ADAM20: variants seen among roughly 807,000 people sequenced by gnomAD.
The protein encoded by ADAM20 is disintegrin and metalloproteinase domain-containing protein 20.
For synonymous variants in ADAM20, 305 were observed against 310.2 expected (o/e 0.98, Z 0.18); for missense variants, 871 against 883.2 (o/e 0.99, Z 0.18).
At chr14:70,568,157 G>A in the ADAM20 span, among the ~76,000 whole-genome samples, 26 of 152,212 alleles carry the variant, frequency 1.7e-4, no homozygotes, top group African/African-American at 6.3e-4. Context: ...TAAGACCTAT[G>A]CACCTGCACT....
chr14:70,545,991 A>T, the ADAM20 span, among the ~76,000 whole-genome samples: 1 of 152,224 alleles, frequency 6.6e-6, no homozygotes, highest in African/African-American at 2.4e-5. Context: ...AAACTGAAGT[A>T]ACATCAAATA....
intron 1 of ADAM20, among the ~76,000 whole-genome samples, chr14:70,527,683 T>C (rs1883619792): frequency 6.6e-6 from 1 of 152,158 alleles, no homozygotes; most frequent in South Asian, 2.1e-4. Flanking sequence ...GATTAAGTTC[T>C]TAATCTCGCT....
chr14:70,528,889 A>C (rs1339084823), intron 1 of ADAM20, among the ~76,000 whole-genome samples: 1 of 152,174 alleles, frequency 6.6e-6, no homozygotes, highest in East Asian at 1.9e-4. Context: ...TTTGTAGTAA[A>C]AATAATTTCA....
At chr14:70,539,370 C>T (rs538054409), upstream of ADAM20, among the ~76,000 whole-genome samples, 1 of 152,336 alleles carries the variant, frequency 6.6e-6, no homozygotes, top group South Asian at 2.1e-4. Flanking sequence ...AGATTCCTAT[C>T]CCAGAAAAGC....
the ADAM20 span, among the ~76,000 whole-genome samples, chr14:70,558,413 T>C: frequency 8.6e-3 from 1,312 of 152,294 alleles, 9 homozygotes; most frequent in South Asian, 0.031. Flanking sequence ...ATTAGATATC[T>C]GGATAATGAT....
chr14:70,541,484 A>G, the ADAM20 span, among the ~76,000 whole-genome samples: 1 of 152,340 alleles, frequency 6.6e-6, no homozygotes, highest in Admixed American at 6.5e-5. Flanking sequence ...GTTTTTTTAA[A>G]ACACTAACCT....
chr14:70,534,520 C>T (rs781247204), intron 1 of ADAM20, among the ~76,000 whole-genome samples: 1 of 152,076 alleles, frequency 6.6e-6, no homozygotes, highest in African/African-American at 2.4e-5. Context: ...ATATGCTACA[C>T]CATGGATGAG....
chr14:70,565,609 T>C, the ADAM20 span, among the ~76,000 whole-genome samples: 1 of 152,174 alleles, frequency 6.6e-6, no homozygotes, highest in East Asian at 1.9e-4. Context: ...AGATGATATA[T>C]ACAGTCAGCC....
chr14:70,524,249 G>C lies in ADAM20; in HGVS notation c.509C>G (p.Pro170Arg). Residue 170 changes from proline (P) to arginine (R), a missense_variant, in exon 2 of 2, where the codon CCT becomes CGT. Coordinates refer to ENST00000256389, the MANE Select transcript of ADAM20 (RefSeq NM_003814.5). ...CTCTTCTGTTAACCCACATCTCATA[G>C]GTGGAAACTGTGTATCATCACTGTC... is the stretch of plus-strand genomic sequence containing the variant. ...KIDSDDTQFP[P>R]MRCGLTEEKI... 1 of 1,613,870 alleles carries C rather than the reference G, an allele frequency of 6.2e-7. No homozygotes were observed. Among genetic ancestry groups the C allele is most frequent in the East Asian group, 2.2e-5 (1 of 44,878 alleles).
chr14:70,523,151 G>A lies in ADAM20; in HGVS notation c.1607C>T (p.Thr536Ile). 1 of 1,613,952 alleles carries A rather than the reference G, an allele frequency of 6.2e-7. No individual in the cohort carries two copies. The change falls in exon 2 of 2, where the codon ACC becomes ATC. Residue 536 changes from threonine to isoleucine, a missense_variant. Physicochemically the swap from Thr to Ile is moderately conservative, Grantham distance 89. Coordinates refer to ENST00000256389, the MANE Select transcript of ADAM20 (RefSeq NM_003814.5). ...ASQSCYQEIN[T>I]QGNRFGHCGI... ...ACAGTGACCGAAACGGTTTCCTTGGGTGTTGATTTCTTGGTAGCAACTCTG... is the reference window on the plus strand; with the variant it reads ...ACAGTGACCGAAACGGTTTCCTTGGATGTTGATTTCTTGGTAGCAACTCTG...
At chr14:70,534,095 A>C (rs1172230103) in intron 1 of ADAM20, among the ~76,000 whole-genome samples, 5 of 148,474 alleles carry the variant, frequency 3.4e-5, no homozygotes, top group Admixed American at 1.3e-4. Context: ...AAAAAAAAAA[A>C]AAAAAAAAAA....
upstream of ADAM20, among the ~76,000 whole-genome samples, chr14:70,535,847 T>C (rs962140325): frequency 6.6e-6 from 1 of 152,228 alleles, no homozygotes; most frequent in Admixed American, 6.5e-5. Context: ...ATATACTTTA[T>C]AGAATGAAAT....
the ADAM20 span, among the ~76,000 whole-genome samples, chr14:70,558,715 G>A: frequency 6.6e-6 from 1 of 152,084 alleles, no homozygotes; most frequent in Non-Finnish European, 1.5e-5. Context: ...ATAAAAGTGG[G>A]GAGGCAGAAT....
At chr14:70,532,078 T>C (rs1883723270) in intron 1 of ADAM20, among the ~76,000 whole-genome samples, 1 of 152,078 alleles carries the variant, frequency 6.6e-6, no homozygotes, top group African/African-American at 2.4e-5. Flanking sequence ...GGAAGCCTCA[T>C]ACTATCTGAC....
the ADAM20 span, among the ~76,000 whole-genome samples, chr14:70,578,777 T>C: frequency 1.3e-5 from 2 of 152,136 alleles, no homozygotes; most frequent in Admixed American, 6.5e-5. Context: ...TTTGGACTTC[T>C]AATGATGCTG....
the ADAM20 span, among the ~76,000 whole-genome samples, chr14:70,545,338 G>A: frequency 6.6e-6 from 1 of 152,200 alleles, no homozygotes; most frequent in African/African-American, 2.4e-5. Flanking sequence ...GCGCACTTGG[G>A]AGAGGGATGG....
At chr14:70,541,414 G>A in the ADAM20 span, among the ~76,000 whole-genome samples, 134 of 152,292 alleles carry the variant, frequency 8.8e-4, no homozygotes, top group South Asian at 0.015. Flanking sequence ...AGGGTTAAGC[G>A]AGTTTTGAAA....
the ADAM20 span, among the ~76,000 whole-genome samples, chr14:70,546,137 G>T: frequency 6.6e-6 from 1 of 152,056 alleles, no homozygotes; most frequent in African/African-American, 2.4e-5. Flanking sequence ...GAAGAAAATT[G>T]AAAAATTTCT....
At chr14:70,566,093 A>G in the ADAM20 span, among the ~76,000 whole-genome samples, 1 of 152,232 alleles carries the variant, frequency 6.6e-6, no homozygotes, top group Non-Finnish European at 1.5e-5. Flanking sequence ...TGAAACAAAA[A>G]GACACTAAAT....
Sources: gnomAD v4.1 joint callset for allele counts (sites outside exome capture counted in the v4.1 genomes callset) on GRCh38, gnomAD v4.1.1 for gene constraint, MANE v1.5 for transcripts, NCBI Gene and HGNC (gene_info 2026-07-23, HGNC 2026-07-21) for gene names.